LARP4B: variants seen among roughly 807,000 people sequenced by gnomAD.
LARP4B encodes la-related protein 4B.
LARP4B carries 12 observed loss-of-function variants against 89.8 expected under a neutral mutation model. The ratio of observed to expected loss-of-function variants is 0.13; its 90% CI spans 0.09 to 0.22. LARP4B has a LOEUF of 0.22. Among genes scored for constraint, LARP4B ranks in the 10% least tolerant of loss-of-function variants. The pLI is 1.00. For synonymous variants in LARP4B, 367 were observed against 363.3 expected (o/e 1.01, Z -0.12); for missense variants, 757 against 947.7 (o/e 0.80, Z 2.64).
At chr10:817,223 G>A (rs1387792931) in intron 15 of LARP4B, among the ~76,000 whole-genome samples, 2 of 152,132 alleles carry the variant, frequency 1.3e-5, no homozygotes, top group African/African-American at 4.8e-5. Context: ...AGCTCGGGAC[G>A]ACTCCTGGGA....
At position 829,608 on chromosome 10, in the gene LARP4B, T is replaced by C. The variant is rs760990079; in HGVS notation, c.916-14A>G. Reference sequence around the variant, plus strand: ...TTTTATCCGTGCCTGTTTGAAAATATGTAAGTTTCTATTAGAATACTTAAG... The same window carrying C: ...TTTTATCCGTGCCTGTTTGAAAATACGTAAGTTTCTATTAGAATACTTAAG... On this transcript the variant is annotated splice_polypyrimidine_tract_variant and intron_variant, in intron 10 of 17. Coordinates refer to ENST00000316157, the MANE Select transcript of LARP4B (RefSeq NM_015155.3). The C allele has an allele frequency of 4.3e-6, 7 of 1,612,674 alleles. No homozygotes were observed. Among genetic ancestry groups the C allele is most frequent in the African/African-American group, 1.3e-5 (1 of 74,712 alleles).
the LARP4B span, among the ~76,000 whole-genome samples, chr10:946,629 T>C: frequency 2.0e-5 from 3 of 152,202 alleles, no homozygotes; most frequent in Non-Finnish European, 4.4e-5. Context: ...TCTCTCTCTC[T>C]AAATTTTGGC....
intron 1 of LARP4B, among the ~76,000 whole-genome samples, chr10:899,646 TTCTAAC>T (rs1340203737): frequency 6.6e-6 from 1 of 152,220 alleles, no homozygotes; most frequent in Non-Finnish European, 1.5e-5. Context: ...CTAAGTTACC[TTCTAAC>T]TCTAATTGTC....
At chr10:923,991 TG>T (rs1303294513) in intron 1 of LARP4B, among the ~76,000 whole-genome samples, 1 of 152,216 alleles carries the variant, frequency 6.6e-6, no homozygotes, top group Non-Finnish European at 1.5e-5. Context: ...GGCTCACATC[TG>T]TAATCCCAAC....
intron 3 of LARP4B, among the ~76,000 whole-genome samples, chr10:868,913 T>G (rs560362447): frequency 6.6e-6 from 1 of 152,254 alleles, no homozygotes; most frequent in Non-Finnish European, 1.5e-5. Flanking sequence ...GGTTGAATAA[T>G]GAGATCTTGC....
At chr10:859,110 A>C (rs11818288) in intron 5 of LARP4B, among the ~76,000 whole-genome samples, 25,584 of 151,770 alleles carry the variant, frequency 0.17, 2,328 homozygotes, top group Non-Finnish European at 0.19. Context: ...GAAACCCCGT[A>C]TCTACTAAAA....
At chr10:853,702 G>T (rs1230585769) in intron 5 of LARP4B, among the ~76,000 whole-genome samples, 2 of 152,104 alleles carry the variant, frequency 1.3e-5, no homozygotes, top group African/African-American at 2.4e-5. Flanking sequence ...TAAATAAAAA[G>T]AATCTATTGT....
At chr10:985,292 A>G in the LARP4B span, 5 of 152,278 alleles carry the variant, frequency 3.3e-5, no homozygotes, top group African/African-American at 1.2e-4. Context: ...TAAGCAGCTA[A>G]TAAGAACATA....
chr10:930,246 ACTT>A (rs1837260644), intron 1 of LARP4B, among the ~76,000 whole-genome samples: 1 of 152,186 alleles, frequency 6.6e-6, no homozygotes. Context: ...AGGGAAAATA[ACTT>A]GTCTGTCCCC....
At chr10:916,085 T>C (rs1836813168) in intron 1 of LARP4B, among the ~76,000 whole-genome samples, 1 of 152,182 alleles carries the variant, frequency 6.6e-6, no homozygotes, top group Non-Finnish European at 1.5e-5. Context: ...AAATAAGAAA[T>C]GGTGTTTAAC....
At position 857,254 on chromosome 10, in the gene LARP4B, A is replaced by G. The variant is rs145234576; in HGVS notation, c.430+6489T>C. On this transcript the variant is annotated intron_variant, in intron 5 of 17. Transcript: ENST00000316157. ...GATAAGATGCTAAGGGCTCAAATGG[A>G]TAAAGGAGACAGCAGGTAAGAACAG... Among the ~76,000 whole-genome samples, 826 of 152,234 alleles carry G rather than the reference A, an allele frequency of 5.4e-3. 6 individuals are homozygous for G. The highest frequency in any genetic ancestry group is 0.019 in the African/African-American group (776 of 41,538).
At chr10:940,012 A>ATTT in the LARP4B span, among the ~76,000 whole-genome samples, 1 of 118,804 alleles carries the variant, frequency 8.4e-6, no homozygotes, top group Non-Finnish European at 1.8e-5. Context: ...CGCCCGGCTA[A>ATTT]TTTTTTTTTT....
the LARP4B span, among the ~76,000 whole-genome samples, chr10:967,287 T>A: frequency 6.6e-6 from 1 of 152,010 alleles, no homozygotes; most frequent in African/African-American, 2.4e-5. Flanking sequence ...AGAATTTACA[T>A]CCTTAGAGAG....
chr10:968,655 T>C, the LARP4B span, among the ~76,000 whole-genome samples: 1 of 152,196 alleles, frequency 6.6e-6, no homozygotes, highest in African/African-American at 2.4e-5. Flanking sequence ...TCACGTGCTT[T>C]GTTGATGGTA....
chr10:981,404 T>C, the LARP4B span, among the ~76,000 whole-genome samples: 2 of 152,164 alleles, frequency 1.3e-5, no homozygotes, highest in Admixed American at 6.5e-5. Flanking sequence ...TTGGTACCAA[T>C]TTTCTGTGAT....
intron 3 of LARP4B, among the ~76,000 whole-genome samples, chr10:874,132 G>A (rs1319896354): frequency 2.0e-5 from 3 of 151,976 alleles, no homozygotes; most frequent in African/African-American, 7.3e-5. Flanking sequence ...TACTCGGAAG[G>A]CTGAGGCAGG....
chr10:923,238 A>C (rs1167485276), intron 1 of LARP4B, among the ~76,000 whole-genome samples: 5 of 152,200 alleles, frequency 3.3e-5, no homozygotes, highest in Non-Finnish European at 4.4e-5. Context: ...TCATCCTTTC[A>C]AATGTCTAGA....
intron 8 of LARP4B, among the ~76,000 whole-genome samples, chr10:831,297 T>TTTA (rs57239843): frequency 1.4e-3 from 200 of 147,262 alleles, no homozygotes; most frequent in African/African-American, 2.5e-3. Flanking sequence ...TTTTTTTTTT[T>TTTA]AAAGGCAATT....
intron 2 of LARP4B, among the ~76,000 whole-genome samples, chr10:885,272 G>C (rs1588962967): frequency 6.6e-6 from 1 of 152,112 alleles, no homozygotes; most frequent in Non-Finnish European, 1.5e-5. Context: ...ATTAGCTCTA[G>C]GTCACATCCC....
Sources: allele counts gnomAD v4.1 joint callset (sites outside exome capture counted in the v4.1 genomes callset), GRCh38; gene constraint gnomAD v4.1.1; transcripts MANE v1.5; gene names NCBI Gene and HGNC (gene_info 2026-07-23, HGNC 2026-07-21).